Variants in GPR155 observed in about 807,000 individuals in gnomAD.
GPR155 encodes the protein G protein-coupled receptor 155.
Under a neutral mutation model 93.1 loss-of-function variants are expected in GPR155, and 65 were observed. The observed-to-expected ratio is 0.70, with a 90% CI of 0.57 to 0.86. The LOEUF (loss-of-function observed/expected upper bound fraction) is 0.86. Ranked by LOEUF, GPR155 falls within the 40% of genes least tolerant of loss-of-function variation. The pLI, the probability that GPR155 is intolerant of heterozygous loss-of-function variation, is 0.00. For missense variants in GPR155, 838 were observed against 1,034.8 expected (o/e 0.81, Z 2.61); for synonymous variants, 319 against 360.1 (o/e 0.89, Z 1.29).
chr2:174,466,741 A>C (rs1559112764), intron 5 of GPR155, 114 bp from the exon 6 acceptor site: 5 of 601,534 alleles, frequency 8.3e-6, no homozygotes, highest in East Asian at 6.0e-5. Context: ...GTTCGGAAAG[A>C]ATTTCCAATA....
Position 174,433,165 on chromosome 2 carries a change from A to T in GPR155, c.*2951T>A, listed in dbSNP as rs140686258. On this transcript the variant is annotated 3_prime_UTR_variant, in exon 16 of 16. Transcript: ENST00000392552. ...AATAACTTTTTTACATGAGACACTTAAAGTATAATTAAATAAATATCTGAA... is the reference window on the plus strand; with the variant it reads ...AATAACTTTTTTACATGAGACACTTTAAGTATAATTAAATAAATATCTGAA... 2 of 152,200 alleles carry T rather than the reference A, an allele frequency of 1.3e-5. No individual in the cohort carries two copies. Among genetic ancestry groups the T allele is most frequent in the African/African-American group, 4.8e-5 (2 of 41,448 alleles). 9.4% of individuals were successfully genotyped at this position (152,200 alleles called of 1,614,324 possible). A position where few individuals can be genotyped will look rare whatever the true frequency, so the allele number is the denominator to read the frequency against.
intron 7 of GPR155, 62 bp from the exon 8 acceptor site, chr2:174,461,734 T>A (rs1186541909): frequency 2.1e-6 from 2 of 961,152 alleles, no homozygotes; most frequent in East Asian, 4.8e-5. Flanking sequence ...TTATGAAACT[T>A]TATTTCCTTT....
At chr2:174,457,223 G>A (rs539631989) in intron 10 of GPR155, among the ~76,000 whole-genome samples, 1 of 152,258 alleles carries the variant, frequency 6.6e-6, no homozygotes, top group African/African-American at 2.4e-5. Context: ...GAAGAGGGAG[G>A]ATTACTTGAA....
intron 10 of GPR155, among the ~76,000 whole-genome samples, 159 bp from the exon 11 acceptor site, chr2:174,454,000 T>C (rs1687412054): frequency 6.6e-6 from 1 of 152,318 alleles, no homozygotes; most frequent in Non-Finnish European, 1.5e-5. Context: ...TATTCAAATG[T>C]TCTCACTCAT....
At chr2:174,477,932 A>G (rs988485870) in intron 2 of GPR155, among the ~76,000 whole-genome samples, 1 of 152,160 alleles carries the variant, frequency 6.6e-6, no homozygotes, top group African/African-American at 2.4e-5. Flanking sequence ...TAACACAAAG[A>G]CCCAGATAAA....
intron 1 of GPR155, among the ~76,000 whole-genome samples, chr2:174,484,966 C>T (rs1007167469): frequency 7.2e-5 from 11 of 152,138 alleles, no homozygotes; most frequent in African/African-American, 2.4e-4. Context: ...TTATATACAG[C>T]TTATCACAGA....
intron 11 of GPR155, among the ~76,000 whole-genome samples, chr2:174,451,037 C>T (rs577802504): frequency 4.6e-5 from 7 of 152,196 alleles, no homozygotes; most frequent in South Asian, 4.1e-4. Flanking sequence ...AAGCCAGGCA[C>T]GGCAGCTGAC....
At position 174,433,155 on chromosome 2, in the gene GPR155, T is replaced by C. The variant is rs778314327; in HGVS notation, c.*2961A>G. On this transcript the variant is annotated 3_prime_UTR_variant, in exon 16 of 16. Transcript: ENST00000392552. ...TTATTTTATAAATAACTTTTTTACA[T>C]GAGACACTTAAAGTATAATTAAATA... The C allele has an allele frequency of 6.6e-6, 1 of 152,172 alleles. No homozygotes were observed. The highest frequency in any genetic ancestry group is 1.5e-5 in the Non-Finnish European group (1 of 68,026). 9.4% of individuals were successfully genotyped at this position (152,172 alleles called of 1,614,324 possible).
chr2:174,464,214 T>TA (rs1687777179), intron 7 of GPR155, among the ~76,000 whole-genome samples: 1 of 152,188 alleles, frequency 6.6e-6, no homozygotes, highest in African/African-American at 2.4e-5. Context: ...CAGTGTTTCC[T>TA]AAGGTGTAGA....
intron 13 of GPR155, 63 bp downstream of exon 13, chr2:174,445,018 C>T (rs915217180): frequency 1.1e-5 from 9 of 801,508 alleles, no homozygotes; most frequent in Non-Finnish European, 2.2e-6. Context: ...CTTCCCCCGA[C>T]CCCCTACCAA....
intron 1 of GPR155, among the ~76,000 whole-genome samples, chr2:174,486,263 C>T (rs528277483): frequency 6.6e-6 from 1 of 152,290 alleles, no homozygotes; most frequent in Non-Finnish European, 1.5e-5. Flanking sequence ...TCTGCAGGGA[C>T]AGACTGTGGC....
chr2:174,484,201 A>T (rs1171475884), intron 1 of GPR155, among the ~76,000 whole-genome samples: 1 of 152,184 alleles, frequency 6.6e-6, no homozygotes, highest in Non-Finnish European at 1.5e-5. Flanking sequence ...AGTACATGAA[A>T]CCTACACTAC....
At chr2:174,477,447 G>C (rs1353046122) in intron 2 of GPR155, among the ~76,000 whole-genome samples, 1 of 152,086 alleles carries the variant, frequency 6.6e-6, no homozygotes. Context: ...TTATAAAGCA[G>C]GTTACTATTG....
chr2:174,465,915 T>A lies in GPR155; in HGVS notation c.1267-13A>T. On this transcript the variant is annotated splice_polypyrimidine_tract_variant and intron_variant, in intron 6 of 15. Transcript: ENST00000392552. The stretch of plus-strand genomic sequence containing the variant: ...CACAGACAATAGACTAAGGAAAAAA[T>A]TATTAAAAGACTTTGTAAATAGCTA... 1 of 1,218,792 alleles carries A rather than the reference T, an allele frequency of 8.2e-7. No individual in the cohort carries two copies. Among genetic ancestry groups the A allele is most frequent in the Non-Finnish European group, 1.2e-6 (1 of 831,920 alleles). The allele number at this position is 1,218,792 out of a possible 1,614,324, so 75.5% of individuals were successfully genotyped here.
intron 13 of GPR155, among the ~76,000 whole-genome samples, chr2:174,443,231 C>T (rs1379366163): frequency 6.6e-6 from 1 of 151,772 alleles, no homozygotes; most frequent in African/African-American, 2.4e-5. Flanking sequence ...GTGGGCATAG[C>T]CATTTTTGCT....
intron 13 of GPR155, among the ~76,000 whole-genome samples, chr2:174,442,993 T>G (rs1687011798): frequency 6.6e-6 from 1 of 152,248 alleles, no homozygotes; most frequent in African/African-American, 2.4e-5. Flanking sequence ...TTAGCTGCTG[T>G]TGATGACACA....
At chr2:174,440,554 A>G (rs1235708247) in intron 14 of GPR155, among the ~76,000 whole-genome samples, 1 of 152,210 alleles carries the variant, frequency 6.6e-6, no homozygotes, top group Non-Finnish European at 1.5e-5. Context: ...ACTAAGTTCA[A>G]TGACTTTCCA....
intron 7 of GPR155, among the ~76,000 whole-genome samples, chr2:174,463,315 C>A (rs1687752915): frequency 6.6e-6 from 1 of 152,044 alleles, no homozygotes; most frequent in Non-Finnish European, 1.5e-5. Context: ...ATCCTCCTGC[C>A]TCAGCCTCCT....
intron 11 of GPR155, among the ~76,000 whole-genome samples, chr2:174,449,733 T>C (rs1201930657): frequency 1.3e-5 from 2 of 152,138 alleles, no homozygotes; most frequent in Non-Finnish European, 2.9e-5. Context: ...CCTAGCACTT[T>C]GGGAGGCTGA....
Sources: allele counts gnomAD v4.1 joint callset (sites outside exome capture counted in the v4.1 genomes callset), GRCh38; gene constraint gnomAD v4.1.1; transcripts MANE v1.5; gene names NCBI Gene and HGNC (gene_info 2026-07-23, HGNC 2026-07-21).